RPSA: variants seen among roughly 807,000 people sequenced by gnomAD.
RPSA encodes the protein ribosomal protein SA.
For synonymous variants in RPSA, 103 were observed against 126.7 expected (o/e 0.81, Z 1.25); for missense variants, 140 against 372.8 (o/e 0.38, Z 5.14).
Position 39,411,876 on chromosome 3 carries a change from C to CTTTTTTT in RPSA, c.628-16_628-10dup. On this transcript the variant is annotated intron_variant, in intron 5 of 6. Transcript: ENST00000301821. ...TTGTCAGTCCCTGTAAGTCTTTCCT[C>CTTTTTTT]TTTTTTTTTTGTAACCCAGATTGAA... 1 of 1,345,142 alleles carries CTTTTTTT rather than the reference C, an allele frequency of 7.4e-7. No homozygotes were observed. The allele number at this position is 1,345,142 out of a possible 1,614,324, so 83.3% of individuals were successfully genotyped here.
Position 39,410,690 on chromosome 3 carries a change from T to G in RPSA, c.253-64T>G, listed in dbSNP as rs927431163. The G allele has an allele frequency of 2.5e-6, 4 of 1,601,344 alleles. No individual in the cohort carries two copies. The African/African-American group carries it at 5.4e-5, about 21-fold the overall frequency. On this transcript the variant is annotated intron_variant, in intron 3 of 6. Transcript: ENST00000301821. ...TAAGTTGGCCAGTGCCCAGAAGTGC[T>G]TACTGGGTGCCAGGATTGTTGCTGT... is the stretch of plus-strand genomic sequence containing the variant.
At chr3:39,410,139 A>G (rs1346006322) in intron 3 of RPSA, 1 of 162,022 alleles carries the variant, frequency 6.2e-6, no homozygotes, top group East Asian at 1.8e-4. Flanking sequence ...AACCTCTGCC[A>G]ACTTGAATGA....
chr3:39,407,333 C>T (rs559538392), intron 1 of RPSA, among the ~76,000 whole-genome samples: 118 of 152,226 alleles, frequency 7.8e-4, no homozygotes, highest in African/African-American at 2.5e-3. Flanking sequence ...GTTAACTTGG[C>T]GCATCCACAA....
chr3:39,407,119 C>G (rs1382732088), intron 1 of RPSA: 5 of 399,500 alleles, frequency 1.3e-5, no homozygotes, highest in African/African-American at 8.4e-5. Context: ...ACACCAGCTA[C>G]TTGGGCTGGT....
intron 3 of RPSA, among the ~76,000 whole-genome samples, chr3:39,409,842 A>T (rs2041979665): frequency 6.6e-6 from 1 of 151,716 alleles, no homozygotes; most frequent in Non-Finnish European, 1.5e-5. Flanking sequence ...TTCTTAAAAA[A>T]GCCAGTCATG....
intron 3 of RPSA, among the ~76,000 whole-genome samples, chr3:39,409,826 T>G (rs569998397): frequency 7.0e-6 from 1 of 143,562 alleles, no homozygotes; most frequent in East Asian, 2.1e-4. Context: ...CAGAGTGAGA[T>G]CCTGTTTCTT....
chr3:39,408,860 AGG>A, intron 3 of RPSA, 136 bp downstream of exon 3: 1 of 680,602 alleles, frequency 1.5e-6, no homozygotes, highest in African/African-American at 1.8e-5. Context: ...GCACTTTGGG[AGG>A]TGGAGTCCGG....
chr3:39,411,367 T>G (rs1305809222), intron 4 of RPSA: 2 of 562,718 alleles, frequency 3.6e-6, no homozygotes, highest in Non-Finnish European at 6.4e-6. Flanking sequence ...AAAGGTGGGT[T>G]GTGTGTGGTT....
intron 4 of RPSA, 24 bp downstream of exon 4, chr3:39,411,023 TTG>T (rs2041997748): frequency 1.3e-6 from 2 of 1,599,102 alleles, no homozygotes; most frequent in African/African-American, 1.3e-5. Flanking sequence ...GATCTAGAGT[TTG>T]TGAATGCGTG....
Position 39,406,745 on chromosome 3 carries a change from T to C in RPSA, c.-53T>C. 2.5e-6 allele frequency: 1 copy of C among 406,760 alleles called. No homozygotes were observed. Among genetic ancestry groups the C allele is most frequent in the South Asian group, 1.8e-5 (1 of 56,726 alleles). 25.2% of individuals were successfully genotyped at this position (406,760 alleles called of 1,614,324 possible). Reference sequence around the variant, plus strand: ...CTTTTCCGTGCTACCTGCAGAGGGGTCCATACGGCGTTGTTCTGGGTGAGT... The same window carrying C: ...CTTTTCCGTGCTACCTGCAGAGGGGCCCATACGGCGTTGTTCTGGGTGAGT... On this transcript the variant is annotated 5_prime_UTR_variant, in exon 1 of 7. Transcript: ENST00000301821.
At chr3:39,409,310 T>A (rs2041970636) in intron 3 of RPSA, among the ~76,000 whole-genome samples, 2 of 149,482 alleles carry the variant, frequency 1.3e-5, no homozygotes, top group Non-Finnish European at 3.0e-5. Context: ...CAAGGGATTC[T>A]CCTGCCTCAT....
chr3:39,407,103 T>A (rs1012167374), intron 1 of RPSA: 7 of 423,930 alleles, frequency 1.7e-5, no homozygotes, highest in South Asian at 1.2e-4. Context: ...GCCCAGGCGC[T>A]GATTTACACC....
intron 3 of RPSA, 56 bp downstream of exon 3, chr3:39,408,780 T>C (rs1310413818): frequency 2.0e-6 from 2 of 1,012,440 alleles, no homozygotes; most frequent in African/African-American, 3.2e-5. Context: ...ACAGACATTG[T>C]GAGACATAGA....
intron 2 of RPSA, chr3:39,408,226 G>A (rs1332888377): frequency 2.5e-6 from 1 of 401,594 alleles, no homozygotes; most frequent in African/African-American, 2.0e-5. Flanking sequence ...CCAAGGACTT[G>A]GGAGTGACAT....
chr3:39,408,566 A>G (rs369937486), intron 2 of RPSA, 40 bp from the exon 3 acceptor site: 1 of 1,095,448 alleles, frequency 9.1e-7, no homozygotes, highest in Non-Finnish European at 1.4e-6. Context: ...ATGTTTGCAC[A>G]GCCAGGTCAA....
rs1028149552 is a variant in RPSA, at chr3:39,406,747, C to T, written c.-51C>T. ...TTTCCGTGCTACCTGCAGAGGGGTC[C>T]ATACGGCGTTGTTCTGGGTGAGTTC... On this transcript the variant is annotated 5_prime_UTR_variant, in exon 1 of 7. Transcript: ENST00000301821. 2.4e-5 allele frequency: 10 copies of T among 408,764 alleles called. No homozygotes were observed. Among genetic ancestry groups the T allele is most frequent in the South Asian group, 5.3e-5 (3 of 57,134 alleles). 25.3% of individuals were successfully genotyped at this position (408,764 alleles called of 1,614,324 possible). A position where few individuals can be genotyped will look rare whatever the true frequency, so the allele number is the denominator to read the frequency against.
At chr3:39,407,387 G>C (rs1177161710) in intron 1 of RPSA, among the ~76,000 whole-genome samples, 1 of 151,944 alleles carries the variant, frequency 6.6e-6, no homozygotes. Context: ...ATTTCCATTC[G>C]CTAATTTCGT....
At chr3:39,409,571 G>C (rs1328563310) in intron 3 of RPSA, among the ~76,000 whole-genome samples, 1 of 152,182 alleles carries the variant, frequency 6.6e-6, no homozygotes, top group African/African-American at 2.4e-5. Context: ...ATTTTGTGTA[G>C]ACTTGTGCCA....
In RPSA at chr3:39,411,636, C is replaced by T; in HGVS notation, c.499-13C>T. 1 of 1,609,732 alleles carries T rather than the reference C, an allele frequency of 6.2e-7. No homozygotes were observed. Among genetic ancestry groups the T allele is most frequent in the Non-Finnish European group, 8.5e-7 (1 of 1,179,942 alleles). On this transcript the variant is annotated splice_polypyrimidine_tract_variant and intron_variant, in intron 4 of 6. Coordinates refer to ENST00000301821, the MANE Select transcript of RPSA (RefSeq NM_002295.6). The stretch of plus-strand genomic sequence containing the variant: ...CCAAGTGTCACTTTTTAATAATCTG[C>T]CACTCTTGGCAGGGAGCTCACTCAG...
Sources: gnomAD v4.1 joint callset for allele counts (sites outside exome capture counted in the v4.1 genomes callset) on GRCh38, gnomAD v4.1.1 for gene constraint, MANE v1.5 for transcripts, NCBI Gene and HGNC (gene_info 2026-07-23, HGNC 2026-07-21) for gene names.